Variants in KCTD8 observed in about 807,000 individuals in gnomAD.
KCTD8 encodes the protein potassium channel tetramerization domain containing 8.
A neutral mutation model predicts 31.5 loss-of-function variants in KCTD8; 27 were observed. The ratio of observed to expected loss-of-function variants is 0.86; its 90% confidence interval spans 0.63 to 1.18. The LOEUF (loss-of-function observed/expected upper bound fraction) is 1.18, where lower values mean the gene tolerates loss of function less well. KCTD8 is among the 50% of genes most tolerant of loss of function. The pLI is 0.00. For missense variants in KCTD8, 658 were observed against 647.7 expected (o/e 1.02, Z -0.17); for synonymous variants, 290 against 280.0 (o/e 1.04, Z -0.36).
intron 1 of KCTD8, among the ~76,000 whole-genome samples, chr4:44,362,293 G>A (rs1258706752): frequency 6.6e-6 from 1 of 152,134 alleles, no homozygotes; most frequent in African/African-American, 2.4e-5. Context: ...TTAAGCAGAT[G>A]AGAAGCATAA....
chr4:44,199,903 T>C (rs932727236), intron 1 of KCTD8, among the ~76,000 whole-genome samples: 2 of 151,472 alleles, frequency 1.3e-5, no homozygotes, highest in African/African-American at 4.8e-5. Flanking sequence ...GATAAACCAC[T>C]AGCTAGATTA....
At chr4:44,238,836 T>C (rs1016259004) in intron 1 of KCTD8, among the ~76,000 whole-genome samples, 7 of 152,194 alleles carry the variant, frequency 4.6e-5, no homozygotes, top group African/African-American at 1.7e-4. Flanking sequence ...ATTATTATAT[T>C]TTACTTTAAC....
intron 1 of KCTD8, among the ~76,000 whole-genome samples, chr4:44,295,686 T>C (rs1311027178): frequency 1.3e-5 from 2 of 152,124 alleles, no homozygotes; most frequent in Admixed American, 6.6e-5. Context: ...CTCATAGTTC[T>C]AGAGGCTTAG....
chr4:44,402,565 T>G (rs1577656541), intron 1 of KCTD8, among the ~76,000 whole-genome samples: 1 of 152,278 alleles, frequency 6.6e-6, no homozygotes, highest in Non-Finnish European at 1.5e-5. Flanking sequence ...AGAAGCCAAC[T>G]TACCCTGAAG....
chr4:44,211,813 T>A (rs1714492365), intron 1 of KCTD8, among the ~76,000 whole-genome samples: 1 of 152,142 alleles, frequency 6.6e-6, no homozygotes, highest in African/African-American at 2.4e-5. Context: ...ATGTTAGTAA[T>A]CTGTAAAATT....
intron 1 of KCTD8, among the ~76,000 whole-genome samples, chr4:44,431,347 G>A (rs1331840977): frequency 6.6e-6 from 1 of 151,284 alleles, no homozygotes; most frequent in Non-Finnish European, 1.5e-5. Flanking sequence ...GTCTTCTCTT[G>A]TCTCAGTATC....
In KCTD8 at chr4:44,285,170, C is replaced by T. The variant is rs184851910; in HGVS notation, c.962-109920G>A. Among the ~76,000 whole-genome samples the T allele has an allele frequency of 8.0e-3, 1,223 of 152,262 alleles. 30 individuals carry two copies. Among genetic ancestry groups the T allele is most frequent in the Admixed American group, 0.052 (793 of 15,282 alleles). ...TCATTCTATGATAAAGACACATGTA[C>T]ACATATGTGTATTGCAGCTTTATTC... On this transcript the variant is annotated intron_variant, in intron 1 of 1. Coordinates refer to ENST00000360029, the MANE Select transcript of KCTD8 (RefSeq NM_198353.3).
At position 44,342,158 on chromosome 4, in the gene KCTD8, T is replaced by A. The variant is rs188414058; in HGVS notation, c.961+105405A>T. Among the ~76,000 whole-genome samples the A allele has an allele frequency of 2.7e-3, 405 of 152,120 alleles. 1 individual carries two copies. Among genetic ancestry groups the A allele is most frequent in the Middle Eastern group, 0.01 (3 of 294 alleles). ...AGGCCAAGGCAGGCAGATCACAAGA[T>A]CAGGAGATCGAGACCATCCTGGCTA... On this transcript the variant is annotated intron_variant, in intron 1 of 1. Transcript: ENST00000360029.
chr4:44,217,125 G>T lies in KCTD8; in HGVS notation c.962-41875C>A, dbSNP rs79398538. Among the ~76,000 whole-genome samples the T allele has an allele frequency of 7.1e-3, 1,079 of 152,264 alleles. 11 individuals are homozygous for T. The highest frequency in any genetic ancestry group is 0.025 in the African/African-American group (1,029 of 41,550). On this transcript the variant is annotated intron_variant, in intron 1 of 1. Transcript: ENST00000360029. The stretch of plus-strand genomic sequence containing the variant: ...GTCATCCTACTATGCAGAGTAAAGT[G>T]AGTAGTTCTCACCAGGGCTTTCATT...
At chr4:44,338,379 A>G (rs186028839) in intron 1 of KCTD8, among the ~76,000 whole-genome samples, 1 of 152,316 alleles carries the variant, frequency 6.6e-6, no homozygotes, top group African/African-American at 2.4e-5. Flanking sequence ...GAGAAAGGTA[A>G]GTGAAGGTTT....
intron 1 of KCTD8, among the ~76,000 whole-genome samples, chr4:44,437,419 T>C (rs773601669): frequency 3.3e-5 from 5 of 152,206 alleles, no homozygotes; most frequent in Non-Finnish European, 7.3e-5. Flanking sequence ...GGCTGCTTAG[T>C]TTATAATATC....
At chr4:44,267,063 C>G (rs1454355009) in intron 1 of KCTD8, among the ~76,000 whole-genome samples, 3 of 152,144 alleles carry the variant, frequency 2.0e-5, no homozygotes, top group Admixed American at 6.6e-5. Context: ...ATCTATAGAA[C>G]TCTCCACCCC....
At chr4:44,395,742 T>G (rs1044415862) in intron 1 of KCTD8, among the ~76,000 whole-genome samples, 1 of 152,106 alleles carries the variant, frequency 6.6e-6, no homozygotes, top group Non-Finnish European at 1.5e-5. Flanking sequence ...TCCTTGAATT[T>G]CTTCTCACGG....
At chr4:44,344,708 T>C (rs750890971) in intron 1 of KCTD8, among the ~76,000 whole-genome samples, 3 of 152,176 alleles carry the variant, frequency 2.0e-5, no homozygotes, top group Non-Finnish European at 4.4e-5. Context: ...TATTCTGACA[T>C]AATGGCCAAG....
chr4:44,271,773 T>G (rs1275456256), intron 1 of KCTD8, among the ~76,000 whole-genome samples: 1 of 152,156 alleles, frequency 6.6e-6, no homozygotes, highest in African/African-American at 2.4e-5. Context: ...TAAGGAATAC[T>G]TTTAGTTAAT....
chr4:44,374,929 G>C (rs916895464), intron 1 of KCTD8, among the ~76,000 whole-genome samples: 17 of 152,260 alleles, frequency 1.1e-4, no homozygotes, highest in Middle Eastern at 3.4e-3. Context: ...GTGAGCGCAT[G>C]CTGTCAGAAA....
intron 1 of KCTD8, among the ~76,000 whole-genome samples, chr4:44,403,608 C>T (rs1720717894): frequency 6.6e-6 from 1 of 152,062 alleles, no homozygotes; most frequent in African/African-American, 2.4e-5. Context: ...CCTCTGTAAA[C>T]ATATTAGGTG....
At position 44,316,926 on chromosome 4, in the gene KCTD8, C is replaced by T. The variant is rs376578591; in HGVS notation, c.961+130637G>A. On this transcript the variant is annotated intron_variant, in intron 1 of 1. Transcript: ENST00000360029. ...TCAGGAGGCAGGGATTGCAGTGAGC[C>T]GAGATAGTGCCACTGCACTCCAGCC... is the stretch of plus-strand genomic sequence containing the variant. Among the ~76,000 whole-genome samples the T allele has an allele frequency of 1.2e-3, 178 of 150,416 alleles. 1 individual carries two copies. Among genetic ancestry groups the T allele is most frequent in the African/African-American group, 3.9e-3 (162 of 41,052 alleles).
intron 1 of KCTD8, among the ~76,000 whole-genome samples, chr4:44,268,791 T>C (rs1291672288): frequency 6.6e-6 from 1 of 152,086 alleles, no homozygotes; most frequent in East Asian, 1.9e-4. Flanking sequence ...CCATTCACAA[T>C]TGCTTCAAAG....
Sources: gnomAD v4.1 joint callset for allele counts (sites outside exome capture counted in the v4.1 genomes callset) on GRCh38, gnomAD v4.1.1 for gene constraint, MANE v1.5 for transcripts, NCBI Gene and HGNC (gene_info 2026-07-23, HGNC 2026-07-21) for gene names.